The following SLC38A11 variants were observed in gnomAD, a reference collection of about 807,000 sequenced individuals.
SLC38A11 encodes the protein solute carrier family 38 member 11, also known as putative sodium-coupled neutral amino acid transporter 11.
Under a neutral mutation model 49.4 loss-of-function variants are expected in SLC38A11, and 51 were observed. The observed-to-expected ratio is 1.03, with a 90% CI of 0.83 to 1.30. SLC38A11 has a LOEUF of 1.30. SLC38A11 is among the 50% of genes most tolerant of loss of function. The pLI is 0.00. For synonymous variants in SLC38A11, 203 were observed against 192.9 expected (o/e 1.05, Z -0.43); for missense variants, 574 against 556.2 (o/e 1.03, Z -0.32).
rs976939214 is a variant in SLC38A11, at chr2:164,939,553, T to C, written c.434A>G (p.Asp145Gly). 5.6e-6 allele frequency: 9 copies of C among 1,599,542 alleles called. No individual in the cohort carries two copies. In the Admixed American group the frequency reaches 1.0e-4, roughly 18 times the overall value. The stretch of plus-strand genomic sequence containing the variant: ...GCGACCAATAAACACGTTTTCAGGA[T>C]CAACTAAAACACAATAAATATTATT... ...SKVFQRIPGV[D>G]PENVFIGRHF... Residue 145 changes from aspartate to glycine, a missense_variant, in exon 6 of 12, where the codon GAT becomes GGT. Transcript: ENST00000685975.
Position 164,952,752 on chromosome 2 carries a change from A to T in SLC38A11, c.184T>A (p.Phe62Ile), listed in dbSNP as rs1320407149. ...AATAAAAGCAATATTCCCAAAGGAA[A>T]CCCAGCTTGCTTCATTGAATAAGGC... ...GLPYSMKQAGFPLGILLLFWV... is the reference protein window; with the variant it reads ...GLPYSMKQAGIPLGILLLFWV... The change falls in exon 3 of 12, where the codon TTT becomes ATT. Residue 62 changes from phenylalanine to isoleucine, a missense_variant. Phe to Ile is a conservative substitution (Grantham distance 21, BLOSUM62 0). Transcript: ENST00000685975. 6.2e-7 allele frequency: 1 copy of T among 1,606,888 alleles called. No individual in the cohort carries two copies. The highest frequency in any genetic ancestry group is 8.5e-7 in the Non-Finnish European group (1 of 1,178,482).
At chr2:164,913,560 A>T (rs891407992) in intron 9 of SLC38A11, among the ~76,000 whole-genome samples, 1 of 152,070 alleles carries the variant, frequency 6.6e-6, no homozygotes, top group African/African-American at 2.4e-5. Flanking sequence ...AATTACAGCT[A>T]GGGGGAAAAC....
chr2:164,938,287 C>G (rs1687514388), intron 6 of SLC38A11, among the ~76,000 whole-genome samples: 1 of 152,090 alleles, frequency 6.6e-6, no homozygotes, highest in South Asian at 2.1e-4. Flanking sequence ...CTCTAAGGCA[C>G]ACAGCTGGAA....
At chr2:164,930,677 C>T (rs1686938636) in intron 7 of SLC38A11, among the ~76,000 whole-genome samples, 1 of 151,962 alleles carries the variant, frequency 6.6e-6, no homozygotes. Context: ...TCAATAAATG[C>T]CAAAAAGGCT....
intron 10 of SLC38A11, among the ~76,000 whole-genome samples, chr2:164,909,362 TC>T (rs1436901268): frequency 1.3e-5 from 2 of 152,130 alleles, no homozygotes; most frequent in Non-Finnish European, 2.9e-5. Context: ...ACTTAATGTG[TC>T]CCATATTATG....
intron 11 of SLC38A11, among the ~76,000 whole-genome samples, chr2:164,903,099 G>A (rs1377863465): frequency 1.3e-5 from 2 of 152,060 alleles, no homozygotes; most frequent in Non-Finnish European, 2.9e-5. Context: ...TTAACAATTG[G>A]TCTGTATTTA....
At chr2:164,940,240 A>G (rs1168631305) in intron 5 of SLC38A11, among the ~76,000 whole-genome samples, 1 of 143,400 alleles carries the variant, frequency 7.0e-6, no homozygotes, top group African/African-American at 2.5e-5. Context: ...ATATATATAT[A>G]TATATATATA....
Position 164,944,646 on chromosome 2 carries a change from A to G in SLC38A11, c.365-12T>C. On this transcript the variant is annotated splice_polypyrimidine_tract_variant and intron_variant, in intron 4 of 11. Transcript: ENST00000685975. The stretch of plus-strand genomic sequence containing the variant: ...GTAACTTATCATTGCTAAAAACATA[A>G]TTAAAATAAGAGTCATCAATAAGCC... 1 of 1,150,842 alleles carries G rather than the reference A, an allele frequency of 8.7e-7. No homozygotes were observed. Among genetic ancestry groups the G allele is most frequent in the Non-Finnish European group, 1.2e-6 (1 of 868,974 alleles). 71.3% of individuals were successfully genotyped at this position (1,150,842 alleles called of 1,614,324 possible). A position where few individuals can be genotyped will look rare whatever the true frequency, so the allele number is the denominator to read the frequency against.
chr2:164,905,300 T>C (rs939729647), intron 11 of SLC38A11, among the ~76,000 whole-genome samples: 20 of 152,050 alleles, frequency 1.3e-4, no homozygotes, highest in African/African-American at 4.3e-4. Flanking sequence ...TCTCTTTTTT[T>C]TGGTATTTTT....
In SLC38A11 at chr2:164,955,525, T is replaced by C; in HGVS notation, c.-278A>G. On this transcript the variant is annotated 5_prime_UTR_variant, in exon 1 of 12. Coordinates refer to ENST00000685975, the MANE Select transcript of SLC38A11 (RefSeq NM_001351537.2). ...AGACGGAGATGCTGCAGGATGTTTCTGATCCGGGCAGCCCTGTCTCCCCGC... is the reference window on the plus strand; with the variant it reads ...AGACGGAGATGCTGCAGGATGTTTCCGATCCGGGCAGCCCTGTCTCCCCGC... 2.0e-6 allele frequency: 1 copy of C among 501,422 alleles called. No homozygotes were observed. Among genetic ancestry groups the C allele is most frequent in the East Asian group, 3.6e-5 (1 of 28,060 alleles). 31.1% of individuals were successfully genotyped at this position (501,422 alleles called of 1,614,324 possible).
rs570238803 is a variant in SLC38A11 at position 164,908,615 on chromosome 2, G to A, written c.1095+25C>T. The A allele has an allele frequency of 3.4e-6, 5 of 1,467,514 alleles. No homozygotes were observed. The South Asian group carries it at 5.9e-5, about 17-fold the overall frequency. The allele number at this position is 1,467,514 out of a possible 1,614,324, so 90.9% of individuals were successfully genotyped here. Reference sequence around the variant, plus strand: ...CTTTTAAAGAGAATTTTAGAGTGAAGGGGTAAATCTTTGCACGTACTCACA... The same window carrying A: ...CTTTTAAAGAGAATTTTAGAGTGAAAGGGTAAATCTTTGCACGTACTCACA... On this transcript the variant is annotated intron_variant, in intron 11 of 11. Coordinates refer to ENST00000685975, the MANE Select transcript of SLC38A11 (RefSeq NM_001351537.2).
At chr2:164,925,566 G>T (rs1199097895) in intron 7 of SLC38A11, among the ~76,000 whole-genome samples, 1 of 151,952 alleles carries the variant, frequency 6.6e-6, no homozygotes, top group Non-Finnish European at 1.5e-5. Flanking sequence ...CTTCCCACAA[G>T]GATCCCACAA....
chr2:164,896,854 T>G lies in SLC38A11; in HGVS notation c.*1583A>C, dbSNP rs1382908518. 2 of 152,138 alleles carry G rather than the reference T, an allele frequency of 1.3e-5. No homozygotes were observed. Among genetic ancestry groups the G allele is most frequent in the Non-Finnish European group, 2.9e-5 (2 of 68,024 alleles). The allele number at this position is 152,138 out of a possible 1,614,324, so 9.4% of individuals were successfully genotyped here. On this transcript the variant is annotated 3_prime_UTR_variant, in exon 12 of 12. Transcript: ENST00000685975. The stretch of plus-strand genomic sequence containing the variant: ...CACACAGTGACTCAGCTCTTGCCAC[T>G]TTATTCAAACTACTGTGAACCTACC...
At chr2:164,923,527 C>G (rs1014530561) in intron 7 of SLC38A11, among the ~76,000 whole-genome samples, 6 of 152,082 alleles carry the variant, frequency 3.9e-5, no homozygotes, top group African/African-American at 1.4e-4. Context: ...CAATGAGATA[C>G]CATCTCACAC....
rs897250985 is a variant in SLC38A11 at position 164,896,311 on chromosome 2, A to T, written c.*2126T>A. 6.6e-6 allele frequency: 1 copy of T among 152,186 alleles called. No individual in the cohort carries two copies. Among genetic ancestry groups the T allele is most frequent in the African/African-American group, 2.4e-5 (1 of 41,446 alleles). 9.4% of individuals were successfully genotyped at this position (152,186 alleles called of 1,614,324 possible). On this transcript the variant is annotated 3_prime_UTR_variant, in exon 12 of 12. Coordinates refer to ENST00000685975, the MANE Select transcript of SLC38A11 (RefSeq NM_001351537.2). Reference sequence around the variant, plus strand: ...ATAAATAAACCAATACATGTTTATTAGGCACTAATGCTGCGCTCAGTTCCT... The same window carrying T: ...ATAAATAAACCAATACATGTTTATTTGGCACTAATGCTGCGCTCAGTTCCT...
Position 164,955,213 on chromosome 2 carries a change from G to A in SLC38A11, c.35C>T (p.Pro12Leu), listed in dbSNP as rs1204721443. 8 of 1,550,428 alleles carry A rather than the reference G, an allele frequency of 5.2e-6. No homozygotes were observed. The highest frequency in any genetic ancestry group is 1.4e-5 in the African/African-American group (1 of 73,024). ...GYQRQEPVIPPQRDLDDRETL... is the reference protein window; with the variant it reads ...GYQRQEPVIPLQRDLDDRETL... ...CTGCCTAGTCGCTAGTTTTACCTGC[G>A]GCGGGATGACAGGCTCCTGCCTCTG... The change falls in exon 1 of 12, where the codon CCG (proline) becomes CTG (leucine). Residue 12 changes from proline to leucine, a missense_variant. Physicochemically the swap from Pro to Leu is moderately conservative, Grantham distance 98. Coordinates refer to ENST00000685975, the MANE Select transcript of SLC38A11 (RefSeq NM_001351537.2).
rs948458981 is a variant in SLC38A11 at position 164,898,270 on chromosome 2, A to T, written c.*167T>A. The T allele has an allele frequency of 3.5e-6, 2 of 573,798 alleles. No homozygotes were observed. Among genetic ancestry groups the T allele is most frequent in the East Asian group, 5.8e-5 (2 of 34,326 alleles). 35.5% of individuals were successfully genotyped at this position (573,798 alleles called of 1,614,324 possible). The stretch of plus-strand genomic sequence containing the variant: ...TTTGTTCCAGTTAAAGGTGAAATAC[A>T]TTCAATTTTTCTTTTCTTTATCTTT... On this transcript the variant is annotated 3_prime_UTR_variant, in exon 12 of 12. Transcript: ENST00000685975.
chr2:164,917,284 C>G (rs1031520288), intron 7 of SLC38A11, among the ~76,000 whole-genome samples: 3 of 152,070 alleles, frequency 2.0e-5, no homozygotes. Context: ...TTTATTCATC[C>G]TCTATGTAAA....
intron 5 of SLC38A11, among the ~76,000 whole-genome samples, chr2:164,942,764 C>A (rs1293361272): frequency 6.6e-6 from 1 of 152,126 alleles, no homozygotes; most frequent in African/African-American, 2.4e-5. Flanking sequence ...TTCGGGGTAA[C>A]AATAATAATA....
Sources: allele counts gnomAD v4.1 joint callset (sites outside exome capture counted in the v4.1 genomes callset), GRCh38; gene constraint gnomAD v4.1.1; transcripts MANE v1.5; gene names NCBI Gene and HGNC (gene_info 2026-07-23, HGNC 2026-07-21).